The following CRADD variants were observed in gnomAD, a reference collection of about 807,000 sequenced individuals.
CRADD encodes the protein CARD and death domain containing adaptor protein, also known as death domain-containing protein CRADD.
A neutral mutation model predicts 15.5 loss-of-function variants in CRADD; 9 were observed. The observed-to-expected ratio is 0.58, with a 90% CI of 0.35 to 1.01. CRADD has a LOEUF of 1.01. Ranked by LOEUF, CRADD falls within the 50% of genes least tolerant of loss-of-function variation. The pLI, the probability that CRADD is intolerant of heterozygous loss-of-function variation, is 0.02. For synonymous variants in CRADD, 118 were observed against 107.6 expected, an observed-to-expected ratio of 1.10 and a Z score of -0.60; for missense variants, 227 against 250.3, an observed-to-expected ratio of 0.91 and a Z score of 0.63.
chr12:93,711,497 A>G (rs1033057141), intron 2 of CRADD, among the ~76,000 whole-genome samples: 7 of 152,154 alleles, frequency 4.6e-5, no homozygotes, highest in Non-Finnish European at 1.0e-4. Context: ...CAGACTCCTC[A>G]TCATAAATTA....
intron 2 of CRADD, among the ~76,000 whole-genome samples, chr12:93,792,721 C>T (rs1300207116): frequency 1.3e-5 from 2 of 151,994 alleles, no homozygotes; most frequent in Non-Finnish European, 2.9e-5. Context: ...TATTATAATC[C>T]CCAATTACAG....
chr12:93,877,630 C>A (rs1958466472), intron 2 of CRADD, among the ~76,000 whole-genome samples: 1 of 152,202 alleles, frequency 6.6e-6, no homozygotes, highest in Admixed American at 6.5e-5. Flanking sequence ...GTAGCCACTG[C>A]CACTCCAGGC....
At chr12:93,845,586 TAAAG>T (rs1399406145) in intron 2 of CRADD, among the ~76,000 whole-genome samples, 16 of 151,110 alleles carry the variant, frequency 1.1e-4, no homozygotes, top group Admixed American at 3.3e-4. Flanking sequence ...ATATTTTTAA[TAAAG>T]AAAAGAAAGG....
In CRADD at chr12:93,850,079, G is replaced by A; in HGVS notation, c.408G>A (p.Leu136=). The change falls in exon 3 of 3, where the codon CTG becomes CTA. Residue 136 remains leucine, a synonymous_variant. Transcript: ENST00000332896. The surrounding 1 kb of genome is among the most constrained non-coding windows in gnomAD (Gnocchi z 4.0). ...RLGPEWEPMV[L]SLGLSQTDIY... Reference sequence around the variant, plus strand: ...GCCCTGAGTGGGAGCCCATGGTGCTGTCTCTGGGACTGTCCCAGACGGATA... The same window carrying A: ...GCCCTGAGTGGGAGCCCATGGTGCTATCTCTGGGACTGTCCCAGACGGATA... The A allele has an allele frequency of 6.2e-7, 1 of 1,613,014 alleles. No individual in the cohort carries two copies. Among genetic ancestry groups the A allele is most frequent in the Admixed American group, 1.7e-5 (1 of 60,028 alleles).
intron 2 of CRADD, among the ~76,000 whole-genome samples, chr12:93,711,636 T>A (rs942985290): frequency 1.3e-5 from 2 of 152,080 alleles, no homozygotes; most frequent in African/African-American, 4.8e-5. Flanking sequence ...ATTTTAGGGG[T>A]TTTGTACTTG....
chr12:93,878,209 G>A (rs1371197912), intron 2 of CRADD, among the ~76,000 whole-genome samples: 81 of 152,140 alleles, frequency 5.3e-4, no homozygotes, highest in Admixed American at 5.2e-3. Flanking sequence ...ATACCTCTAC[G>A]AGTCTGCAAG....
At chr12:93,754,965 TA>T (rs781689250) in intron 2 of CRADD, among the ~76,000 whole-genome samples, 319 of 141,744 alleles carry the variant, frequency 2.3e-3, no homozygotes, top group Middle Eastern at 3.6e-3. Flanking sequence ...GGTAATTCAT[TA>T]AAAAAAAAAA....
At chr12:93,809,377 T>G (rs988763244) in intron 2 of CRADD, among the ~76,000 whole-genome samples, 3 of 152,214 alleles carry the variant, frequency 2.0e-5, no homozygotes, top group African/African-American at 7.2e-5. Context: ...ATCGGTGTTC[T>G]GGAAGAAATC....
At chr12:93,826,399 A>T (rs1024783371) in intron 2 of CRADD, among the ~76,000 whole-genome samples, 1 of 152,220 alleles carries the variant, frequency 6.6e-6, no homozygotes, top group African/African-American at 2.4e-5. Flanking sequence ...ACCAAAGCAC[A>T]TGATATTATT....
At chr12:93,868,258 AG>A (rs1391031315) in intron 2 of CRADD, among the ~76,000 whole-genome samples, 8 of 152,328 alleles carry the variant, frequency 5.3e-5, no homozygotes, top group African/African-American at 1.9e-4. Context: ...TTCATTATAG[AG>A]GATTATTTCA....
chr12:93,713,106 G>A (rs1956103139), intron 2 of CRADD, among the ~76,000 whole-genome samples: 1 of 151,756 alleles, frequency 6.6e-6, no homozygotes, highest in Non-Finnish European at 1.5e-5. Context: ...TTTCAGTTGG[G>A]GTACATTGAC....
intron 2 of CRADD, among the ~76,000 whole-genome samples, chr12:93,840,243 CTTT>C (rs1233867275): frequency 6.6e-6 from 1 of 152,170 alleles, no homozygotes; most frequent in African/African-American, 2.4e-5. Context: ...TGCTTTATGT[CTTT>C]TAATAAAGGC....
At chr12:93,810,989 C>T (rs1466925041) in intron 2 of CRADD, among the ~76,000 whole-genome samples, 2 of 152,174 alleles carry the variant, frequency 1.3e-5, no homozygotes, top group Non-Finnish European at 2.9e-5. Context: ...TAGGTATGAG[C>T]CTGTGATAAG....
intron 2 of CRADD, among the ~76,000 whole-genome samples, chr12:93,873,041 A>G (rs1402080772): frequency 6.6e-6 from 1 of 152,122 alleles, no homozygotes; most frequent in East Asian, 1.9e-4. Context: ...ATCTATGAAC[A>G]TAGAATATTT....
chr12:93,786,076 C>T (rs997996424), intron 2 of CRADD, among the ~76,000 whole-genome samples: 1 of 152,146 alleles, frequency 6.6e-6, no homozygotes, highest in African/African-American at 2.4e-5. Flanking sequence ...TATGAAGACA[C>T]GAATGATGTA....
intron 2 of CRADD, among the ~76,000 whole-genome samples, chr12:93,876,907 G>A (rs143676056): frequency 1.4e-4 from 22 of 152,236 alleles, no homozygotes; most frequent in African/African-American, 5.1e-4. Flanking sequence ...CCATTGAAGA[G>A]TGAGGTATTT....
chr12:93,711,055 C>CCCCTCTTTTT, intron 2 of CRADD, among the ~76,000 whole-genome samples: 1 of 43,508 alleles, frequency 2.3e-5, no homozygotes, highest in African/African-American at 8.5e-5. Context: ...CCACCCCCGC[C>CCCCTCTTTTT]TTTTTTTTTT....
At chr12:93,771,914 A>G (rs901025027) in intron 2 of CRADD, among the ~76,000 whole-genome samples, 13 of 152,378 alleles carry the variant, frequency 8.5e-5, no homozygotes, top group African/African-American at 3.1e-4. Context: ...ATGAGATCAT[A>G]TATGAAAAGC....
intron 2 of CRADD, among the ~76,000 whole-genome samples, chr12:93,715,952 G>A (rs1344742088): frequency 6.6e-6 from 1 of 151,936 alleles, no homozygotes; most frequent in African/African-American, 2.4e-5. Flanking sequence ...GATTAGCTTG[G>A]CCAACATGGT....
Sources: allele counts gnomAD v4.1 joint callset (sites outside exome capture counted in the v4.1 genomes callset), GRCh38; gene constraint gnomAD v4.1.1; non-coding constraint Gnocchi (gnomAD v3.1); transcripts MANE v1.5; gene names NCBI Gene and HGNC (gene_info 2026-07-23, HGNC 2026-07-21).